Variants in KIF26B observed in about 807,000 individuals in gnomAD.
The protein encoded by KIF26B is kinesin family member 26B.
KIF26B carries 63 observed loss-of-function variants against 151.2 expected under a neutral mutation model. The observed-to-expected ratio is 0.42, with a 90% CI of 0.34 to 0.51. The LOEUF is 0.51. Ranked by LOEUF, KIF26B falls within the 20% of genes least tolerant of loss-of-function variation. The pLI is 0.07. For synonymous variants in KIF26B, 1,357 were observed against 1,262.1 expected, an observed-to-expected ratio of 1.08 and a Z score of -1.59; for missense variants, 2,813 against 2,913.6, an observed-to-expected ratio of 0.97 and a Z score of 0.79.
chr1:245,388,749 T>A (rs965087734), intron 3 of KIF26B, among the ~76,000 whole-genome samples: 1 of 152,222 alleles, frequency 6.6e-6, no homozygotes, highest in African/African-American at 2.4e-5. Flanking sequence ...TGTCTACAAT[T>A]GTATCTCTAT....
At chr1:245,412,677 T>C (rs1674315646) in intron 3 of KIF26B, among the ~76,000 whole-genome samples, 1 of 152,214 alleles carries the variant, frequency 6.6e-6, no homozygotes, top group Non-Finnish European at 1.5e-5. Context: ...CTCTCTTTCT[T>C]TGGGATTCTC....
chr1:245,397,084 C>T (rs561159352), intron 3 of KIF26B, among the ~76,000 whole-genome samples: 57 of 152,094 alleles, frequency 3.7e-4, no homozygotes, highest in Admixed American at 1.9e-3. Context: ...CACAGCCTCC[C>T]GAGTAGCTGG....
chr1:245,348,900 C>T (rs537743909), intron 2 of KIF26B, among the ~76,000 whole-genome samples: 94 of 152,336 alleles, frequency 6.2e-4, no homozygotes, highest in Admixed American at 3.9e-3. Flanking sequence ...CACTGCCTTC[C>T]GGTCTCTGCT....
chr1:245,327,809 A>G (rs1333738249), intron 2 of KIF26B, among the ~76,000 whole-genome samples: 1 of 152,220 alleles, frequency 6.6e-6, no homozygotes, highest in African/African-American at 2.4e-5. Context: ...TAATGACTTA[A>G]GACATTAGAT....
intron 4 of KIF26B, among the ~76,000 whole-genome samples, chr1:245,437,921 G>A (rs544751399): frequency 2.2e-4 from 33 of 152,082 alleles, no homozygotes; most frequent in Non-Finnish European, 4.0e-4. Flanking sequence ...CTGAAACATA[G>A]ACTCTAAGAA....
chr1:245,253,163 C>A (rs986132629), intron 2 of KIF26B, among the ~76,000 whole-genome samples: 4 of 151,858 alleles, frequency 2.6e-5, no homozygotes, highest in Admixed American at 2.0e-4. Context: ...GCGCCCACCA[C>A]CAAGCCCAGC....
intron 9 of KIF26B, among the ~76,000 whole-genome samples, chr1:245,627,440 G>C (rs942745459): frequency 6.6e-6 from 1 of 152,056 alleles, no homozygotes; most frequent in East Asian, 1.9e-4. Flanking sequence ...AAATCAATGA[G>C]AACAAAAAGA....
chr1:245,315,758 T>C (rs1386060149), intron 2 of KIF26B, among the ~76,000 whole-genome samples: 1 of 148,482 alleles, frequency 6.7e-6, no homozygotes, highest in African/African-American at 2.5e-5. Context: ...GGTGTGGTGG[T>C]GCACGTCGTG....
At position 245,702,284 on chromosome 1, in the gene KIF26B, C is replaced by T. The variant is rs1358528649; in HGVS notation, c.6179-174C>T. On this transcript the variant is annotated intron_variant, in intron 14 of 14. Transcript: ENST00000407071. This position sits in a 1 kb window ranked among gnomAD's most constrained non-coding sequence, Gnocchi z 4.1. The stretch of plus-strand genomic sequence containing the variant: ...TACTGGTAAAGAGTGTTCCTTTCAA[C>T]CCAAAAGAGGCCGAGAATCAGGCAG... Among the ~76,000 whole-genome samples the T allele has an allele frequency of 2.6e-5, 4 of 152,086 alleles. No homozygotes were observed. Among genetic ancestry groups the T allele is most frequent in the Non-Finnish European group, 4.4e-5 (3 of 68,012 alleles).
At position 245,703,653 on chromosome 1, in the gene KIF26B, ATTTC is replaced by A. The variant is rs1233776808; in HGVS notation, c.*1055_*1058del. Reference sequence around the variant, plus strand: ...GCTGGAACCAATTCACCAGAGCCATATTTCTTTCTTTAGTATTTTCTAGTGTTGT... The same window carrying A: ...GCTGGAACCAATTCACCAGAGCCATATTTCTTTAGTATTTTCTAGTGTTGT... On this transcript the variant is annotated 3_prime_UTR_variant, in exon 15 of 15. Coordinates refer to ENST00000407071, the MANE Select transcript of KIF26B (RefSeq NM_018012.4). 1 of 152,070 alleles carries A rather than the reference ATTTC, an allele frequency of 6.6e-6. No homozygotes were observed. The highest frequency in any genetic ancestry group is 1.9e-4 in the East Asian group (1 of 5,194). The allele number at this position is 152,070 out of a possible 1,614,324, so 9.4% of individuals were successfully genotyped here. A position where few individuals can be genotyped will look rare whatever the true frequency, so the allele number is the denominator to read the frequency against.
At position 245,678,563 on chromosome 1, in the gene KIF26B, T is replaced by C. The variant is rs61596516; in HGVS notation, c.2259-5670T>C. 2.6e-3 allele frequency among the ~76,000 whole-genome samples: 396 copies of C among 152,100 alleles called. 1 individual carries two copies. Among genetic ancestry groups the C allele is most frequent in the African/African-American group, 8.7e-3 (363 of 41,496 alleles). ...TCCTTAAATTCAACCAAGGTATTAC[T>C]GTAAAAAAAAGCAAGACAGGCCTGG... On this transcript the variant is annotated intron_variant, in intron 10 of 14. Coordinates refer to ENST00000407071, the MANE Select transcript of KIF26B (RefSeq NM_018012.4).
chr1:245,345,207 G>C (rs553715038), intron 2 of KIF26B, among the ~76,000 whole-genome samples: 99 of 152,220 alleles, frequency 6.5e-4, no homozygotes, highest in South Asian at 1.7e-3. Flanking sequence ...CTATAATGAA[G>C]AGCCCACAAG....
chr1:245,681,173 C>T (rs565042596), intron 10 of KIF26B, among the ~76,000 whole-genome samples: 8 of 151,826 alleles, frequency 5.3e-5, no homozygotes, highest in Non-Finnish European at 8.8e-5. Context: ...GATGTCACCA[C>T]GTTACATCCT....
At chr1:245,650,259 G>A (rs1191239995) in intron 10 of KIF26B, among the ~76,000 whole-genome samples, 1 of 152,210 alleles carries the variant, frequency 6.6e-6, no homozygotes, top group East Asian at 1.9e-4. Flanking sequence ...TCTTTATTCG[G>A]TACATTCATT....
chr1:245,548,838 G>A (rs1480917001), intron 5 of KIF26B, among the ~76,000 whole-genome samples: 4 of 151,772 alleles, frequency 2.6e-5, no homozygotes, highest in Non-Finnish European at 4.4e-5. Flanking sequence ...CCGCCTCCCG[G>A]TTTCAAGCAA....
intron 10 of KIF26B, among the ~76,000 whole-genome samples, chr1:245,659,870 A>G (rs961321598): frequency 6.7e-6 from 1 of 149,766 alleles, no homozygotes; most frequent in African/African-American, 2.5e-5. Context: ...AAAACCCAAT[A>G]TCTACTAAAA....
chr1:245,655,900 T>C (rs1345410742), intron 10 of KIF26B, among the ~76,000 whole-genome samples: 1 of 152,208 alleles, frequency 6.6e-6, no homozygotes, highest in Admixed American at 6.5e-5. Context: ...ACGTGATTCA[T>C]AACATTTAAC....
chr1:245,548,678 T>G (rs1661806553), intron 5 of KIF26B, among the ~76,000 whole-genome samples: 1 of 152,108 alleles, frequency 6.6e-6, no homozygotes, highest in Non-Finnish European at 1.5e-5. Context: ...AAAAGATGAT[T>G]TGTTGTGGAA....
chr1:245,202,895 C>T (rs1356245727), intron 2 of KIF26B, among the ~76,000 whole-genome samples: 1 of 149,628 alleles, frequency 6.7e-6, no homozygotes, highest in Non-Finnish European at 1.5e-5. Context: ...GAGCCGAGAT[C>T]CCACTACTGC....
Sources: gnomAD v4.1 joint callset for allele counts (sites outside exome capture counted in the v4.1 genomes callset) on GRCh38, gnomAD v4.1.1 for gene constraint, Gnocchi (gnomAD v3.1) non-coding constraint, MANE v1.5 for transcripts, NCBI Gene and HGNC (gene_info 2026-07-23, HGNC 2026-07-21) for gene names.